Variants in FLI1 observed in about 807,000 individuals in gnomAD.
The protein encoded by FLI1 is Friend leukemia integration 1 transcription factor.
FLI1 carries 13 observed loss-of-function variants against 53.1 expected under a neutral mutation model. That is an observed-to-expected ratio of 0.24 (90% CI 0.16 to 0.39). The LOEUF (loss-of-function observed/expected upper bound fraction) is 0.39. Ranked by LOEUF, FLI1 falls within the 10% of genes least tolerant of loss-of-function variation. The pLI is 1.00. For synonymous variants in FLI1, 244 were observed against 236.7 expected, an observed-to-expected ratio of 1.03 and a Z score of -0.28; for missense variants, 424 against 600.5, an observed-to-expected ratio of 0.71 and a Z score of 3.07.
chr11:128,810,888 C>T lies in FLI1; in HGVS notation c.1259C>T (p.Ser420Leu). 1 of 1,614,066 alleles carries T rather than the reference C, an allele frequency of 6.2e-7. No individual in the cohort carries two copies. The highest frequency in any genetic ancestry group is 8.5e-7 in the Non-Finnish European group (1 of 1,179,902). Residue 420 changes from serine (S) to leucine (L), a missense_variant, in exon 9 of 9, where the codon TCA (serine) becomes TTA (leucine). This residue lies in a region of FLI1 where 87 missense variants were observed against 100.0 expected (regional missense o/e 0.87). Coordinates refer to ENST00000527786, the MANE Select transcript of FLI1 (RefSeq NM_002017.5). The surrounding 1 kb of genome is among the most constrained non-coding windows in gnomAD (Gnocchi z 6.6). ...VTSSSFFGAA[S>L]QYWTSPTGGI... ...TCCTCCAGCTTCTTTGGAGCCGCAT[C>T]ACAATACTGGACCTCCCCCACGGGG...
At chr11:128,685,805 G>T (rs78966724), upstream of FLI1, among the ~76,000 whole-genome samples, 965 of 148,516 alleles carry the variant, frequency 6.5e-3, 12 homozygotes, top group African/African-American at 0.022. Flanking sequence ...GCTGTGAGCC[G>T]CCACGTTAAA....
chr11:128,794,363 C>T (rs1386070343), intron 5 of FLI1, among the ~76,000 whole-genome samples: 4 of 152,174 alleles, frequency 2.6e-5, no homozygotes, highest in African/African-American at 9.7e-5. Flanking sequence ...TTAGAAATTC[C>T]ACCACATGGA....
At chr11:128,775,426 T>C (rs770489166) in intron 4 of FLI1, among the ~76,000 whole-genome samples, 4 of 152,026 alleles carry the variant, frequency 2.6e-5, no homozygotes, top group Non-Finnish European at 5.9e-5. Flanking sequence ...AGACTTAAAA[T>C]GATCCACTGT....
At chr11:128,694,684 C>T (rs1419885812) in intron 1 of FLI1, among the ~76,000 whole-genome samples, 1 of 152,168 alleles carries the variant, frequency 6.6e-6, no homozygotes, top group African/African-American at 2.4e-5. Flanking sequence ...GCTTCCTCTC[C>T]GCAGAGGCGG....
chr11:128,729,834 G>A (rs936316491), intron 1 of FLI1, among the ~76,000 whole-genome samples: 1 of 152,174 alleles, frequency 6.6e-6, no homozygotes, highest in African/African-American at 2.4e-5. Context: ...TTGTTCTCCA[G>A]AATGATTTTT....
intron 1 of FLI1, among the ~76,000 whole-genome samples, chr11:128,715,779 A>C (rs1442738801): frequency 6.6e-6 from 1 of 152,224 alleles, no homozygotes. Flanking sequence ...AACATTTTGC[A>C]ATGATACCCC....
chr11:128,757,982 G>A, intron 1 of FLI1, 133 bp from the exon 2 acceptor site: 1 of 730,698 alleles, frequency 1.4e-6, no homozygotes, highest in Non-Finnish European at 2.3e-6. Context: ...CCCCTGGAGT[G>A]TGAGTCAAAC....
chr11:128,709,196 T>C (rs947566615), intron 1 of FLI1, among the ~76,000 whole-genome samples: 3 of 152,244 alleles, frequency 2.0e-5, no homozygotes, highest in Non-Finnish European at 4.4e-5. Flanking sequence ...TGCATAACGT[T>C]AATTTTTCTA....
At chr11:128,809,392 G>C (rs974503662) in intron 8 of FLI1, among the ~76,000 whole-genome samples, 188 bp downstream of exon 8, 47 of 152,212 alleles carry the variant, frequency 3.1e-4, no homozygotes, top group Non-Finnish European at 6.0e-4. Flanking sequence ...AGGTGTCAAG[G>C]TTGGTTAGCT....
At chr11:128,802,933 A>T (rs906554295) in intron 5 of FLI1, among the ~76,000 whole-genome samples, 15 of 152,388 alleles carry the variant, frequency 9.8e-5, no homozygotes, top group African/African-American at 3.4e-4. Context: ...GAAGTCAACG[A>T]TAACTATAGC....
At chr11:128,790,964 T>A (rs1942253617) in intron 5 of FLI1, among the ~76,000 whole-genome samples, 1 of 152,010 alleles carries the variant, frequency 6.6e-6, no homozygotes, top group African/African-American at 2.4e-5. Context: ...GGTGACCACC[T>A]AGAGTTCAAA....
At chr11:128,742,231 C>A (rs1390346057) in intron 1 of FLI1, among the ~76,000 whole-genome samples, 1 of 152,184 alleles carries the variant, frequency 6.6e-6, no homozygotes, top group African/African-American at 2.4e-5. Context: ...TCCCACAATT[C>A]TCCTAATCTC....
chr11:128,707,786 C>T (rs1938614061), intron 1 of FLI1, among the ~76,000 whole-genome samples: 1 of 152,120 alleles, frequency 6.6e-6, no homozygotes, highest in African/African-American at 2.4e-5. Flanking sequence ...TCTTCTCTGC[C>T]CAGAGCACCC....
At chr11:128,737,261 C>A (rs1350345841) in intron 1 of FLI1, among the ~76,000 whole-genome samples, 1 of 152,138 alleles carries the variant, frequency 6.6e-6, no homozygotes, top group African/African-American at 2.4e-5. Context: ...AGTTCCCTGA[C>A]CACCTCACCA....
At chr11:128,708,500 GGTA>G (rs1938649375) in intron 1 of FLI1, among the ~76,000 whole-genome samples, 1 of 152,156 alleles carries the variant, frequency 6.6e-6, no homozygotes, top group East Asian at 1.9e-4. Context: ...CACCGGCTTG[GGTA>G]GTCTGAGTTC....
intron 5 of FLI1, among the ~76,000 whole-genome samples, chr11:128,783,783 T>C (rs1037497401): frequency 2.0e-5 from 3 of 152,198 alleles, no homozygotes; most frequent in Non-Finnish European, 2.9e-5. Flanking sequence ...TCTAAGGAGA[T>C]GACAGGAGCA....
chr11:128,699,631 A>G (rs1246643137), intron 1 of FLI1, among the ~76,000 whole-genome samples: 1 of 152,186 alleles, frequency 6.6e-6, no homozygotes, highest in Non-Finnish European at 1.5e-5. Flanking sequence ...TCTTCCCATT[A>G]TGTATTAATT....
At chr11:128,757,060 CTTT>C (rs1940905906) in intron 1 of FLI1, among the ~76,000 whole-genome samples, 1 of 135,394 alleles carries the variant, frequency 7.4e-6, no homozygotes, top group Non-Finnish European at 1.5e-5. Flanking sequence ...TTCTTTCTTT[CTTT>C]CTTTCTTTCT....
intron 1 of FLI1, among the ~76,000 whole-genome samples, chr11:128,756,531 CA>C (rs1270721276): frequency 6.6e-6 from 1 of 152,224 alleles, no homozygotes; most frequent in East Asian, 1.9e-4. Flanking sequence ...GGACACAAGG[CA>C]GCCCCTAACA....
Sources: gnomAD v4.1 joint callset for allele counts (sites outside exome capture counted in the v4.1 genomes callset) on GRCh38, gnomAD v4.1.1 for gene constraint, gnomAD v4.1.1 regional missense constraint, Gnocchi (gnomAD v3.1) non-coding constraint, MANE v1.5 for transcripts, NCBI Gene and HGNC (gene_info 2026-07-23, HGNC 2026-07-21) for gene names.